The following CA10 variants were observed in gnomAD, a reference collection of about 807,000 sequenced individuals.
CA10 encodes the protein carbonic anhydrase-related protein 10.
CA10 carries 14 observed loss-of-function variants against 44.2 expected under a neutral mutation model. The ratio of observed to expected loss-of-function variants is 0.32; its 90% CI spans 0.21 to 0.50. CA10 has a LOEUF of 0.50. Ranked by LOEUF, CA10 falls within the 20% of genes least tolerant of loss-of-function variation. The pLI, the probability that CA10 is intolerant of heterozygous loss-of-function variation, is 0.99. For synonymous variants in CA10, 159 were observed against 141.6 expected, an observed-to-expected ratio of 1.12 and a Z score of -0.87; for missense variants, 350 against 409.7, an observed-to-expected ratio of 0.85 and a Z score of 1.26.
At chr17:52,146,199 A>G (rs1170567149) in intron 1 of CA10, among the ~76,000 whole-genome samples, 2 of 152,224 alleles carry the variant, frequency 1.3e-5, no homozygotes, top group African/African-American at 4.8e-5. Context: ...ACATGTATAC[A>G]TATGTAACAA....
At chr17:51,645,328 C>A (rs1379501178) in intron 6 of CA10, among the ~76,000 whole-genome samples, 2 of 152,142 alleles carry the variant, frequency 1.3e-5, no homozygotes, top group Non-Finnish European at 2.9e-5. Context: ...GTTACAATGA[C>A]CTTCAAGGGG....
At chr17:51,651,497 T>C (rs978388291) in intron 5 of CA10, among the ~76,000 whole-genome samples, 2 of 152,214 alleles carry the variant, frequency 1.3e-5, no homozygotes, top group Admixed American at 1.3e-4. Context: ...GGAGCTAAAC[T>C]GACCTGAGAA....
At chr17:52,060,227 T>G (rs1234545788) in intron 2 of CA10, among the ~76,000 whole-genome samples, 2 of 152,140 alleles carry the variant, frequency 1.3e-5, no homozygotes, top group Admixed American at 1.3e-4. Flanking sequence ...ATTCAGGAAT[T>G]TTATACAAAG....
intron 1 of CA10, among the ~76,000 whole-genome samples, chr17:52,150,243 C>T (rs1320319705): frequency 6.6e-6 from 1 of 152,148 alleles, no homozygotes; most frequent in East Asian, 1.9e-4. Flanking sequence ...TCACCCTAAG[C>T]ATCCTCTATT....
intron 4 of CA10, among the ~76,000 whole-genome samples, chr17:51,697,053 G>A (rs552576705): frequency 6.6e-6 from 1 of 151,358 alleles, no homozygotes; most frequent in African/African-American, 2.4e-5. Flanking sequence ...TATCTCCCAG[G>A]GGCCTCTTAA....
intron 3 of CA10, among the ~76,000 whole-genome samples, chr17:51,858,538 A>T (rs1325344496): frequency 6.6e-6 from 1 of 152,210 alleles, no homozygotes; most frequent in Non-Finnish European, 1.5e-5. Flanking sequence ...GGTATATAAA[A>T]GTTGTTTACA....
At chr17:51,997,799 A>T (rs569984701) in intron 2 of CA10, among the ~76,000 whole-genome samples, 14 of 152,228 alleles carry the variant, frequency 9.2e-5, no homozygotes, top group African/African-American at 3.4e-4. Context: ...AGCATGGTCT[A>T]AAAAATTAAA....
intron 4 of CA10, among the ~76,000 whole-genome samples, chr17:51,675,335 G>A (rs1031186034): frequency 2.0e-5 from 3 of 152,078 alleles, no homozygotes; most frequent in Non-Finnish European, 2.9e-5. Flanking sequence ...CAAGGCGGGT[G>A]GATCACCTGA....
At chr17:51,735,783 T>A (rs1197114664) in intron 4 of CA10, among the ~76,000 whole-genome samples, 3 of 151,290 alleles carry the variant, frequency 2.0e-5, no homozygotes, top group Non-Finnish European at 4.4e-5. Flanking sequence ...GAGAACTTTA[T>A]GCCAAAATAA....
At chr17:51,772,486 A>G (rs917296605) in intron 3 of CA10, among the ~76,000 whole-genome samples, 1 of 152,194 alleles carries the variant, frequency 6.6e-6, no homozygotes, top group African/African-American at 2.4e-5. Flanking sequence ...TTCATGTTTC[A>G]GTAATTAAGG....
intron 1 of CA10, among the ~76,000 whole-genome samples, chr17:52,093,819 G>T (rs1283244384): frequency 2.6e-5 from 4 of 152,128 alleles, no homozygotes; most frequent in Non-Finnish European, 5.9e-5. Context: ...AGTATATCTT[G>T]TTTCATTCTC....
intron 6 of CA10, 62 bp downstream of exon 6, chr17:51,649,120 G>A (rs930231981): frequency 2.4e-5 from 29 of 1,221,448 alleles, no homozygotes; most frequent in African/African-American, 7.5e-5. Flanking sequence ...CTGGCTTCCC[G>A]CCTTCAGGCA....
rs1239606745 is a variant in CA10 at position 51,931,217 on chromosome 17, G to A, written c.137-85C>T. The A allele has an allele frequency of 4.4e-6, 6 of 1,352,670 alleles. No individual in the cohort carries two copies. In the Admixed American group the frequency reaches 1.2e-4, roughly 27 times the overall value. The allele number at this position is 1,352,670 out of a possible 1,614,324, so 83.8% of individuals were successfully genotyped here. A position where few individuals can be genotyped will look rare whatever the true frequency, so the allele number is the denominator to read the frequency against. ...ATAAACAGAGCTATGTACAAACGTG[G>A]TAAAATGGAAGAGAACCACCAAATG... On this transcript the variant is annotated intron_variant, in intron 2 of 8. Transcript: ENST00000451037.
At chr17:51,687,104 C>T (rs1176395655) in intron 4 of CA10, among the ~76,000 whole-genome samples, 1 of 152,202 alleles carries the variant, frequency 6.6e-6, no homozygotes, top group Non-Finnish European at 1.5e-5. Context: ...ATTGTCCTGA[C>T]TTTTGAAACC....
chr17:51,680,134 T>C (rs1914792825), intron 4 of CA10, among the ~76,000 whole-genome samples: 1 of 152,086 alleles, frequency 6.6e-6, no homozygotes. Context: ...TATAAAGTAA[T>C]ATGGGATTTC....
intron 3 of CA10, among the ~76,000 whole-genome samples, chr17:51,889,054 C>A (rs1488658473): frequency 6.6e-6 from 1 of 152,128 alleles, no homozygotes; most frequent in African/African-American, 2.4e-5. Flanking sequence ...CAACACATGG[C>A]CTCTCTAGGC....
At position 52,072,328 on chromosome 17, in the gene CA10, A is replaced by G; in HGVS notation, c.127T>C (p.Phe43Leu). The G allele has an allele frequency of 6.2e-7, 1 of 1,609,574 alleles. No homozygotes were observed. Among genetic ancestry groups the G allele is most frequent in the Non-Finnish European group, 8.5e-7 (1 of 1,176,012 alleles). Residue 43 changes from phenylalanine to leucine, a missense_variant, in exon 2 of 9, where the codon TTT becomes CTT. Transcript: ENST00000451037. Reference sequence around the variant, plus strand: ...ATTAATGTGTACTTACCTGGAACAAAGCTTCCCTGGACCACCTCCTTGTAT... The same window carrying G: ...ATTAATGTGTACTTACCTGGAACAAGGCTTCCCTGGACCACCTCCTTGTAT... ...WAYKEVVQGS[F>L]VPVPSFWGLV...
At chr17:52,124,949 G>T (rs1026372952) in intron 1 of CA10, among the ~76,000 whole-genome samples, 2 of 152,162 alleles carry the variant, frequency 1.3e-5, no homozygotes, top group East Asian at 3.9e-4. Flanking sequence ...TACATCTTCA[G>T]TGTTTTCTTC....
chr17:51,683,996 A>C (rs1195727584), intron 4 of CA10, among the ~76,000 whole-genome samples: 1 of 152,192 alleles, frequency 6.6e-6, no homozygotes, highest in African/African-American at 2.4e-5. Flanking sequence ...AATCCCCAGA[A>C]CCTGTGAAAA....
Sources: gnomAD v4.1 joint callset for allele counts (sites outside exome capture counted in the v4.1 genomes callset) on GRCh38, gnomAD v4.1.1 for gene constraint, MANE v1.5 for transcripts, NCBI Gene and HGNC (gene_info 2026-07-23, HGNC 2026-07-21) for gene names.